Variants in USP48 observed in about 807,000 individuals in gnomAD.
The protein encoded by USP48 is ubiquitin carboxyl-terminal hydrolase 48.
In USP48, 43 loss-of-function variants were observed where a neutral mutation model predicts 150.7. The observed-to-expected ratio is 0.29, with a 90% CI of 0.22 to 0.37. USP48 has a LOEUF of 0.37. USP48 is among the 10% of genes least tolerant of loss of function. The pLI is 1.00. For missense variants in USP48, 813 were observed against 1,249.6 expected, an observed-to-expected ratio of 0.65 and a Z score of 5.27; for synonymous variants, 396 against 425.9, an observed-to-expected ratio of 0.93 and a Z score of 0.86.
chr1:21,717,361 G>A (rs556589857), intron 14 of USP48, among the ~76,000 whole-genome samples: 6 of 152,042 alleles, frequency 3.9e-5, no homozygotes, highest in East Asian at 3.9e-4. Context: ...TTGCAATTGC[G>A]TCACTGCTCT....
At chr1:21,765,542 G>A (rs1020338388) in intron 1 of USP48, among the ~76,000 whole-genome samples, 2 of 151,824 alleles carry the variant, frequency 1.3e-5, no homozygotes, top group South Asian at 2.1e-4. Context: ...GCTTGAACCC[G>A]GGAGGCGGAG....
chr1:21,694,329 T>C (rs957630494), intron 23 of USP48, among the ~76,000 whole-genome samples: 4 of 151,928 alleles, frequency 2.6e-5, no homozygotes, highest in South Asian at 2.1e-4. Flanking sequence ...TCTCAGCACT[T>C]TGGGAGGCTG....
intron 9 of USP48, chr1:21,732,674 T>C: frequency 2.7e-6 from 1 of 373,026 alleles, no homozygotes; most frequent in Non-Finnish European, 5.2e-6. Flanking sequence ...TATATTCCAT[T>C]AGAATAAAAT....
At chr1:21,764,568 A>G (rs896251231) in intron 1 of USP48, among the ~76,000 whole-genome samples, 3 of 150,774 alleles carry the variant, frequency 2.0e-5, no homozygotes, top group Non-Finnish European at 4.4e-5. Context: ...TTAGCCAGGT[A>G]TGGTGGCAGG....
chr1:21,745,122 A>G (rs188076020), intron 8 of USP48, among the ~76,000 whole-genome samples: 1 of 152,352 alleles, frequency 6.6e-6, no homozygotes, highest in East Asian at 1.9e-4. Context: ...CAAATTATCT[A>G]GAACAAATCC....
intron 9 of USP48, among the ~76,000 whole-genome samples, chr1:21,732,264 G>A (rs2097758746): frequency 2.0e-5 from 2 of 100,800 alleles, no homozygotes; most frequent in Middle Eastern, 4.9e-3. Context: ...GGGCGACACA[G>A]TGAGACTCTG....
chr1:21,716,762 CT>C, intron 14 of USP48, among the ~76,000 whole-genome samples: 1 of 152,200 alleles, frequency 6.6e-6, no homozygotes, highest in Non-Finnish European at 1.5e-5. Flanking sequence ...GGCGTGGTGG[CT>C]CACGCCTGTA....
chr1:21,693,508 G>C (rs534096734), intron 23 of USP48, among the ~76,000 whole-genome samples: 1 of 152,318 alleles, frequency 6.6e-6, no homozygotes, highest in African/African-American at 2.4e-5. Flanking sequence ...GAGCACCTCT[G>C]GGGGCTGTGT....
chr1:21,751,309 G>T (rs1291003980), intron 6 of USP48, among the ~76,000 whole-genome samples, 198 bp downstream of exon 6: 1 of 152,070 alleles, frequency 6.6e-6, no homozygotes, highest in Non-Finnish European at 1.5e-5. Flanking sequence ...AAAATAACTT[G>T]AAATAAGCAA....
At chr1:21,729,682 T>C (rs750189934) in intron 10 of USP48, 22 bp downstream of exon 10, 8 of 1,611,120 alleles carry the variant, frequency 5.0e-6, no homozygotes, top group South Asian at 1.1e-5. Context: ...TTGCCTGCTA[T>C]AATCCTGGAA....
At chr1:21,697,918 C>A (rs1460781004) in intron 22 of USP48, among the ~76,000 whole-genome samples, 1 of 151,934 alleles carries the variant, frequency 6.6e-6, no homozygotes, top group Non-Finnish European at 1.5e-5. Context: ...GACAAAAAAA[C>A]CCAGCCCACT....
intron 2 of USP48, chr1:21,757,388 A>G (rs1246381399): frequency 3.9e-6 from 1 of 256,440 alleles, no homozygotes; most frequent in Non-Finnish European, 7.3e-6. Context: ...TAAGATTTCA[A>G]AATAAAACAT....
In USP48 at chr1:21,702,131, T is replaced by C. The variant is rs561864635; in HGVS notation, c.2623-529A>G. 9.9e-5 allele frequency among the ~76,000 whole-genome samples: 15 copies of C among 152,160 alleles called. No homozygotes were observed. The South Asian group carries it at 3.1e-3, about 32-fold the overall frequency. On this transcript the variant is annotated intron_variant, in intron 21 of 26. Transcript: ENST00000308271. ...CAGAGAACAAAAGATTTAAGAAAAT[T>C]TTACAGGGAGAAACAGAGACATTTA...
At chr1:21,724,338 G>A (rs977650901) in intron 11 of USP48, 25 of 597,598 alleles carry the variant, frequency 4.2e-5, no homozygotes, top group Non-Finnish European at 6.5e-5. Flanking sequence ...GAGATCGGCT[G>A]GTATTATTAA....
chr1:21,706,658 C>A lies in USP48; in HGVS notation c.2089-69G>T, dbSNP rs991994181. 2.5e-6 allele frequency: 4 copies of A among 1,612,188 alleles called. No individual in the cohort carries two copies. The African/African-American group carries it at 5.3e-5, about 22-fold the overall frequency. ...ATGACCTGCCTCCTCCCTACACCCC[C>A]GTCAGAAGTACAGTGTTAATTCCCC... On this transcript the variant is annotated intron_variant, in intron 16 of 26. Transcript: ENST00000308271.
intron 25 of USP48, among the ~76,000 whole-genome samples, chr1:21,683,771 C>G (rs939367123): frequency 6.6e-6 from 1 of 152,112 alleles, no homozygotes; most frequent in Non-Finnish European, 1.5e-5. Context: ...ATGTTTGTAC[C>G]CATTAACCAA....
At chr1:21,738,251 T>A (rs1479603918) in intron 8 of USP48, among the ~76,000 whole-genome samples, 1 of 151,824 alleles carries the variant, frequency 6.6e-6, no homozygotes, top group Non-Finnish European at 1.5e-5. Flanking sequence ...AGAGACGGGG[T>A]TTCACCATGT....
intron 1 of USP48, among the ~76,000 whole-genome samples, chr1:21,781,271 T>C (rs1047919780): frequency 1.4e-5 from 2 of 147,984 alleles, no homozygotes; most frequent in Non-Finnish European, 3.0e-5. Context: ...ATACAAAAAA[T>C]AAAAATAATA....
intron 24 of USP48, among the ~76,000 whole-genome samples, chr1:21,688,285 C>T (rs1044310325): frequency 3.3e-5 from 5 of 152,040 alleles, no homozygotes; most frequent in African/African-American, 1.2e-4. Context: ...GTGGCGCAAT[C>T]TCGGCTCACT....
Sources: allele counts gnomAD v4.1 joint callset (sites outside exome capture counted in the v4.1 genomes callset), GRCh38; gene constraint gnomAD v4.1.1; transcripts MANE v1.5; gene names NCBI Gene and HGNC (gene_info 2026-07-23, HGNC 2026-07-21).